DHX9: variants seen among roughly 807,000 people sequenced by gnomAD.
The protein encoded by DHX9 is ATP-dependent RNA helicase A.
DHX9 carries 27 observed loss-of-function variants against 148.7 expected under a neutral mutation model. That is an observed-to-expected ratio of 0.18 (90% confidence interval 0.13 to 0.25). The LOEUF (loss-of-function observed/expected upper bound fraction) is 0.25, where lower values mean the gene tolerates loss of function less well. Among genes scored for constraint, DHX9 ranks in the 10% least tolerant of loss-of-function variants. The pLI, the probability that DHX9 is intolerant of heterozygous loss-of-function variation, is 1.00. For synonymous variants in DHX9, 529 were observed against 516.6 expected (o/e 1.02, Z -0.33); for missense variants, 796 against 1,559.6 (o/e 0.51, Z 8.25).
chr1:182,858,401 A>G (rs544425027), intron 8 of DHX9, 150 bp from the exon 9 acceptor site: 5 of 1,019,352 alleles, frequency 4.9e-6, no homozygotes, highest in Admixed American at 5.0e-5. Flanking sequence ...CATAATAGGC[A>G]GTGAGTAAAT....
chr1:182,864,872 A>G (rs1306195910), intron 12 of DHX9, among the ~76,000 whole-genome samples: 2 of 152,182 alleles, frequency 1.3e-5, no homozygotes, highest in African/African-American at 4.8e-5. Context: ...ACTAAAATAG[A>G]TAACTGCTTG....
rs547774507 is a variant in DHX9, at chr1:182,875,293, C to G, written c.1815+339C>G. On this transcript the variant is annotated intron_variant, in intron 16 of 27. Transcript: ENST00000367549. ...TCAGTAGGCTGCAGCATCTGGGAAA[C>G]TGGTAGAAAGACAGAATGCTGTGCC... is the stretch of plus-strand genomic sequence containing the variant. 372 of 436,398 alleles carry G rather than the reference C, an allele frequency of 8.5e-4. 2 individuals carry two copies. The highest frequency in any genetic ancestry group is 1.4e-3 in the Middle Eastern group (4 of 2,930). The allele number at this position is 436,398 out of a possible 1,614,324, so 27.0% of individuals were successfully genotyped here.
chr1:182,846,801 ATTAT>A (rs1192154036), intron 3 of DHX9, among the ~76,000 whole-genome samples: 3 of 151,894 alleles, frequency 2.0e-5, no homozygotes, highest in South Asian at 2.1e-4. Flanking sequence ...AGACTTAGCT[ATTAT>A]TTAAGATATT....
chr1:182,855,734 G>A, intron 6 of DHX9: 1 of 985,408 alleles, frequency 1.0e-6, no homozygotes, highest in Non-Finnish European at 1.2e-6. Context: ...ACGAGGTATA[G>A]GAAGGAGTCT....
chr1:182,885,791 T>C (rs1430038147), intron 27 of DHX9, among the ~76,000 whole-genome samples: 1 of 152,222 alleles, frequency 6.6e-6, no homozygotes, highest in Admixed American at 6.5e-5. Flanking sequence ...CTTACTATGC[T>C]ATTCTGTGGC....
Position 182,859,005 on chromosome 1 carries a change from CTTTT to C in DHX9, c.1063-34_1063-31del, listed in dbSNP as rs773452295. On this transcript the variant is annotated intron_variant, in intron 10 of 27. Transcript: ENST00000367549. ...ATTTATTTTGAAGCTGAATTATGTG[CTTTT>C]GTTTGACTATGTTGGCTTTTTGTTT... The C allele has an allele frequency of 5.0e-5, 80 of 1,611,822 alleles. No individual in the cohort carries two copies. In the East Asian group the frequency reaches 1.3e-3, roughly 26 times the overall value.
intron 12 of DHX9, among the ~76,000 whole-genome samples, chr1:182,862,279 A>G (rs1033778943): frequency 6.6e-6 from 1 of 152,208 alleles, no homozygotes; most frequent in Non-Finnish European, 1.5e-5. Flanking sequence ...GGACTGGCGT[A>G]TAACAGAATG....
rs999815063 is a variant in DHX9, at chr1:182,839,490, C to T, written c.-23+34C>T. ...GAGACGTTCCGGCTACCATGCGGGG[C>T]GGCGGGGTCGCGGGCGGGCGCCGTG... On this transcript the variant is annotated intron_variant, in intron 1 of 27. Coordinates refer to ENST00000367549, the MANE Select transcript of DHX9 (RefSeq NM_001357.5). 2.0e-5 allele frequency: 3 copies of T among 153,500 alleles called. No individual in the cohort carries two copies. In the South Asian group the frequency reaches 5.3e-4, roughly 27 times the overall value. 9.5% of individuals were successfully genotyped at this position (153,500 alleles called of 1,614,324 possible). A position where few individuals can be genotyped will look rare whatever the true frequency, so the allele number is the denominator to read the frequency against.
chr1:182,846,199 T>A (rs1668025796), intron 3 of DHX9, among the ~76,000 whole-genome samples: 1 of 151,792 alleles, frequency 6.6e-6, no homozygotes, highest in Non-Finnish European at 1.5e-5. Flanking sequence ...GGATTTAGGA[T>A]TTCTATGCCA....
Position 182,853,401 on chromosome 1 carries a change from G to T in DHX9, c.460G>T (p.Glu154Ter). The T allele has an allele frequency of 6.2e-7, 1 of 1,613,948 alleles. No individual in the cohort carries two copies. The highest frequency in any genetic ancestry group is 8.5e-7 in the Non-Finnish European group (1 of 1,179,928). The change falls in exon 5 of 28, where the codon GAA becomes TAA. Residue 154 changes from glutamate (E) to a stop codon, truncating the protein, a stop_gained. Coordinates refer to ENST00000367549, the MANE Select transcript of DHX9 (RefSeq NM_001357.5). LOFTEE classifies it high-confidence loss of function. The part of the protein sequence containing the change: ...NLKDYYSRKE[E>*]QEVQATLESE... The stretch of plus-strand genomic sequence containing the variant: ...GAAGGATTACTACTCAAGAAAGGAA[G>T]AACAAGAAGTGCAAGCGGTAAGGCC...
chr1:182,883,227 C>G lies in DHX9; in HGVS notation c.3003C>G (p.Pro1001=). 6.2e-7 allele frequency: 1 copy of G among 1,614,084 alleles called. No individual in the cohort carries two copies. Among genetic ancestry groups the G allele is most frequent in the Admixed American group, 1.7e-5 (1 of 60,014 alleles). The change falls in exon 25 of 28, where the codon CCC becomes CCG. Residue 1001 remains proline, a synonymous_variant. Coordinates refer to ENST00000367549, the MANE Select transcript of DHX9 (RefSeq NM_001357.5). ...CCCTCCTGGCCTTTGGTGTGTACCCCAATGTATGCTATCATAAGGAAAAGA... is the reference window on the plus strand; with the variant it reads ...CCCTCCTGGCCTTTGGTGTGTACCCGAATGTATGCTATCATAAGGAAAAGA... ...VISLLAFGVY[P]NVCYHKEKRK...
chr1:182,878,169 G>C lies in DHX9; in HGVS notation c.2347G>C (p.Glu783Gln). Residue 783 changes from glutamate (E) to glutamine (Q), a missense_variant, in exon 20 of 28, where the codon GAG (glutamate) becomes CAG (glutamine). Glu to Gln is a conservative substitution (Grantham distance 29, BLOSUM62 2). This residue lies in a region of DHX9 where 122 missense variants were observed against 289.3 expected (regional missense o/e 0.42). Coordinates refer to ENST00000367549, the MANE Select transcript of DHX9 (RefSeq NM_001357.5). ...TCACCTGTGCAGCCGAGCTCGTTTT[G>C]AGAGGTAAGACCCATTCTTGACCTT... ...CFHLCSRARF[E>Q]RLETHMTPEM... is the part of the protein sequence containing the mutation. The C allele has an allele frequency of 6.2e-7, 1 of 1,614,162 alleles. No individual in the cohort carries two copies. Among genetic ancestry groups the C allele is most frequent in the Non-Finnish European group, 8.5e-7 (1 of 1,180,018 alleles).
At chr1:182,875,875 G>A (rs1648741628) in intron 16 of DHX9, among the ~76,000 whole-genome samples, 175 bp from the exon 17 acceptor site, 1 of 152,168 alleles carries the variant, frequency 6.6e-6, no homozygotes, top group Non-Finnish European at 1.5e-5. Context: ...TCAGTATATT[G>A]ATGTAAGCTC....
In DHX9 at chr1:182,876,130, T is replaced by G. The variant is rs773363156; in HGVS notation, c.1896T>G (p.Thr632=). The G allele has an allele frequency of 7.4e-6, 12 of 1,613,876 alleles. No individual in the cohort carries two copies. The highest frequency in any genetic ancestry group is 1.0e-5 in the Non-Finnish European group (12 of 1,179,902). The change falls in exon 17 of 28, where the codon ACT becomes ACG. Residue 632 remains threonine, a synonymous_variant. Coordinates refer to ENST00000367549, the MANE Select transcript of DHX9 (RefSeq NM_001357.5). Reference sequence around the variant, plus strand: ...TGTCTCAATTGAACGAAAAGGAAACTCCTTTTGAACTCATCGAGGCTCTAC... The same window carrying G: ...TGTCTCAATTGAACGAAAAGGAAACGCCTTTTGAACTCATCGAGGCTCTAC... ...LSMSQLNEKE[T]PFELIEALLK...
intron 27 of DHX9, among the ~76,000 whole-genome samples, chr1:182,886,302 C>T (rs1329045261): frequency 6.6e-6 from 1 of 151,702 alleles, no homozygotes; most frequent in Non-Finnish European, 1.5e-5. Context: ...TTCAAGTGAT[C>T]CTCCTGCCTC....
At chr1:182,857,883 A>G (rs936887136) in intron 7 of DHX9, among the ~76,000 whole-genome samples, 1 of 152,234 alleles carries the variant, frequency 6.6e-6, no homozygotes, top group African/African-American at 2.4e-5. Context: ...TATGAGTCCT[A>G]GTATCAGCCA....
chr1:182,869,462 C>T (rs1236475170), intron 14 of DHX9, among the ~76,000 whole-genome samples: 2 of 151,972 alleles, frequency 1.3e-5, no homozygotes, highest in African/African-American at 2.4e-5. Context: ...TGATGCTGAC[C>T]AGTCTTACCC....
At position 182,884,685 on chromosome 1, in the gene DHX9, T is replaced by C. The variant is rs756977399; in HGVS notation, c.3333T>C (p.Val1111=). 2.5e-6 allele frequency: 4 copies of C among 1,614,184 alleles called. No individual in the cohort carries two copies. Among genetic ancestry groups the C allele is most frequent in the Non-Finnish European group, 3.4e-6 (4 of 1,180,030 alleles). Residue 1111 remains valine (V), a synonymous_variant, in exon 27 of 28, where the codon GTT becomes GTC. Coordinates refer to ENST00000367549, the MANE Select transcript of DHX9 (RefSeq NM_001357.5). Reference sequence around the variant, plus strand: ...TCCGGGCAGCCATGGAGGCTTTGGTTGTTGAAGTAACCAAACAACCTGCTA... The same window carrying C: ...TCCGGGCAGCCATGGAGGCTTTGGTCGTTGAAGTAACCAAACAACCTGCTA... The part of the protein sequence containing the change: ...TGLRAAMEAL[V]VEVTKQPAII...
chr1:182,847,306 A>G (rs1372643662), intron 3 of DHX9, among the ~76,000 whole-genome samples: 1 of 152,192 alleles, frequency 6.6e-6, no homozygotes, highest in Non-Finnish European at 1.5e-5. Flanking sequence ...GGGCATTGGA[A>G]TATTATGCTG....
Sources: allele counts gnomAD v4.1 joint callset (sites outside exome capture counted in the v4.1 genomes callset), GRCh38; gene constraint gnomAD v4.1.1; regional missense constraint gnomAD v4.1.1; transcripts MANE v1.5; gene names NCBI Gene and HGNC (gene_info 2026-07-23, HGNC 2026-07-21).